Variants in AGBL1 observed in about 807,000 individuals in gnomAD.
AGBL1 encodes the protein cytosolic carboxypeptidase 4.
Under a neutral mutation model 118.9 loss-of-function variants are expected in AGBL1, and 130 were observed. The observed-to-expected ratio is 1.09, with a 90% confidence interval of 0.95 to 1.26. The LOEUF (loss-of-function observed/expected upper bound fraction) is 1.26. Ranked by LOEUF, AGBL1 falls within the 50% of genes most tolerant of loss-of-function variation. The pLI is 0.00. For synonymous variants in AGBL1, 555 were observed against 478.9 expected (o/e 1.16, Z -2.08); for missense variants, 1,584 against 1,298.1 (o/e 1.22, Z -3.38).
intron 22 of AGBL1, among the ~76,000 whole-genome samples, chr15:86,854,316 C>G (rs1009897829): frequency 6.6e-6 from 1 of 152,126 alleles, no homozygotes; most frequent in Non-Finnish European, 1.5e-5. Flanking sequence ...CTGGCAGAAG[C>G]CTGATATGCC....
intron 23 of AGBL1, among the ~76,000 whole-genome samples, chr15:86,926,215 C>T (rs1181622022): frequency 2.6e-5 from 4 of 152,132 alleles, no homozygotes; most frequent in Non-Finnish European, 5.9e-5. Context: ...TCCTTTCTAT[C>T]TGCTGCAGAT....
At chr15:86,169,638 A>G (rs535706865) in intron 5 of AGBL1, among the ~76,000 whole-genome samples, 33 of 152,254 alleles carry the variant, frequency 2.2e-4, no homozygotes, top group South Asian at 6.2e-4. Flanking sequence ...TAATACCTAC[A>G]AATGTAAATG....
intron 22 of AGBL1, among the ~76,000 whole-genome samples, chr15:86,822,138 C>T (rs148225153): frequency 3.9e-5 from 6 of 152,244 alleles, no homozygotes; most frequent in Admixed American, 6.5e-5. Context: ...AATGGAAGTT[C>T]GTGAGTATAT....
chr15:86,533,466 G>A (rs1368402473), intron 19 of AGBL1, among the ~76,000 whole-genome samples: 1 of 66,270 alleles, frequency 1.5e-5, no homozygotes, highest in Non-Finnish European at 2.5e-5. Context: ...GAAACAACAG[G>A]TGCTGGAGAG....
chr15:86,519,469 A>T (rs2083160135), intron 18 of AGBL1, among the ~76,000 whole-genome samples: 1 of 152,200 alleles, frequency 6.6e-6, no homozygotes, highest in African/African-American at 2.4e-5. Flanking sequence ...CCCTGGGAAG[A>T]GCAGCAACAG....
intron 13 of AGBL1, among the ~76,000 whole-genome samples, chr15:86,267,458 GA>G (rs1391807729): frequency 2.6e-5 from 4 of 152,188 alleles, no homozygotes; most frequent in African/African-American, 9.7e-5. Flanking sequence ...CTGTTGAAGG[GA>G]AGGGTACATG....
intron 1 of AGBL1, among the ~76,000 whole-genome samples, chr15:86,099,738 G>T (rs1269016648): frequency 6.6e-6 from 1 of 152,058 alleles, no homozygotes; most frequent in African/African-American, 2.4e-5. Context: ...TTGAACTCCT[G>T]ACCTCAGGTG....
intron 22 of AGBL1, among the ~76,000 whole-genome samples, chr15:86,807,038 C>G (rs1250203575): frequency 2.0e-5 from 3 of 152,008 alleles, no homozygotes; most frequent in African/African-American, 7.2e-5. Flanking sequence ...GAGGAACATT[C>G]CAAATAATCT....
intron 22 of AGBL1, among the ~76,000 whole-genome samples, chr15:86,864,381 C>T (rs1226138056): frequency 6.6e-6 from 1 of 152,172 alleles, no homozygotes; most frequent in Admixed American, 6.5e-5. Context: ...GTTCGCTTTA[C>T]TCAGGCACGA....
chr15:86,755,715 T>C (rs2077928896), intron 22 of AGBL1, among the ~76,000 whole-genome samples: 1 of 152,154 alleles, frequency 6.6e-6, no homozygotes. Context: ...TGCATGGTTG[T>C]TGAGAGTAGA....
chr15:86,482,458 G>A (rs2082664308), intron 18 of AGBL1, among the ~76,000 whole-genome samples: 1 of 152,012 alleles, frequency 6.6e-6, no homozygotes, highest in Admixed American at 6.6e-5. Flanking sequence ...CTCTACTTTG[G>A]ATTAAAAAAA....
intron 22 of AGBL1, among the ~76,000 whole-genome samples, chr15:86,812,369 C>T (rs1385975996): frequency 6.6e-6 from 1 of 152,132 alleles, no homozygotes; most frequent in Non-Finnish European, 1.5e-5. Flanking sequence ...ACAAAGAATA[C>T]AAAAGGGGTT....
In AGBL1 at chr15:86,962,779, T is replaced by A. The variant is rs549307150; in HGVS notation, c.3222-25208T>A. Among the ~76,000 whole-genome samples, 14 of 152,194 alleles carry A rather than the reference T, an allele frequency of 9.2e-5. No individual in the cohort carries two copies. The East Asian group carries it at 2.7e-3, about 30-fold the overall frequency. ...AAGGTTAGCATCACTGTGGATCTTG[T>A]TAGAAATGTGGAAACTCTGGTCCCA... On this transcript the variant is annotated intron_variant, in intron 23 of 24. Coordinates refer to the AGBL1 transcript ENST00000441037.
chr15:86,340,641 G>A (rs984534687), intron 17 of AGBL1, among the ~76,000 whole-genome samples: 8 of 152,152 alleles, frequency 5.3e-5, no homozygotes, highest in South Asian at 2.1e-4. Context: ...CCAGAAGTGT[G>A]ACTGAATAAC....
intron 18 of AGBL1, among the ~76,000 whole-genome samples, chr15:86,458,293 TATA>T (rs1388613135): frequency 5.3e-5 from 8 of 152,124 alleles, no homozygotes; most frequent in African/African-American, 1.9e-4. Flanking sequence ...TTATATGAAA[TATA>T]ATCTTGTAAT....
At chr15:86,462,758 A>T (rs972754876) in intron 18 of AGBL1, among the ~76,000 whole-genome samples, 6 of 152,188 alleles carry the variant, frequency 3.9e-5, no homozygotes, top group Admixed American at 2.0e-4. Flanking sequence ...TGCAAAGGAC[A>T]TGAACTCATG....
intron 24 of AGBL1, among the ~76,000 whole-genome samples, chr15:87,001,223 C>T (rs2081433742): frequency 6.6e-6 from 1 of 150,568 alleles, no homozygotes; most frequent in South Asian, 2.1e-4. Context: ...CCTTTATTTC[C>T]TTCTCCTGCC....
At chr15:86,979,954 T>G (rs997046399) in intron 23 of AGBL1, among the ~76,000 whole-genome samples, 1 of 152,182 alleles carries the variant, frequency 6.6e-6, no homozygotes, top group Admixed American at 6.5e-5. Context: ...CTAAGAGACT[T>G]TTTAACAGGT....
chr15:86,164,716 C>G (rs2077313500), intron 5 of AGBL1, among the ~76,000 whole-genome samples: 1 of 152,166 alleles, frequency 6.6e-6, no homozygotes, highest in Admixed American at 6.5e-5. Flanking sequence ...TGCTGGCTTG[C>G]CTTGCTTTAT....
Sources: gnomAD v4.1 joint callset for allele counts (sites outside exome capture counted in the v4.1 genomes callset) on GRCh38, gnomAD v4.1.1 for gene constraint, MANE v1.5 for transcripts, NCBI Gene and HGNC (gene_info 2026-07-23, HGNC 2026-07-21) for gene names.